The following DCC variants were observed in gnomAD, a reference collection of about 807,000 sequenced individuals.
DCC encodes DCC netrin 1 receptor.
A neutral mutation model predicts 172.5 loss-of-function variants in DCC; 58 were observed. That is an observed-to-expected ratio of 0.34 (90% CI 0.27 to 0.42). The LOEUF (loss-of-function observed/expected upper bound fraction) is 0.42. Among genes scored for constraint, DCC ranks in the 10% least tolerant of loss-of-function variants. The pLI, the probability that DCC is intolerant of heterozygous loss-of-function variation, is 1.00. For missense variants in DCC, 1,740 were observed against 1,791.0 expected (o/e 0.97, Z 0.51); for synonymous variants, 709 against 644.5 (o/e 1.10, Z -1.52).
intron 1 of DCC, among the ~76,000 whole-genome samples, chr18:52,495,581 G>A (rs1258727455): frequency 6.6e-6 from 1 of 152,002 alleles, no homozygotes; most frequent in East Asian, 1.9e-4. Flanking sequence ...AGTTCATCTT[G>A]GCAGAAACCA....
intron 5 of DCC, among the ~76,000 whole-genome samples, chr18:52,937,669 G>A (rs1049904621): frequency 2.6e-5 from 4 of 152,006 alleles, no homozygotes; most frequent in Admixed American, 1.3e-4. Context: ...AAATTTTTTT[G>A]TAGAGTTGAG....
At chr18:53,359,029 A>G (rs2144926500) in intron 15 of DCC, among the ~76,000 whole-genome samples, 1 of 152,308 alleles carries the variant, frequency 6.6e-6, no homozygotes, top group Non-Finnish European at 1.5e-5. Flanking sequence ...ATAAAGTAAG[A>G]TTCATCCTCA....
intron 5 of DCC, among the ~76,000 whole-genome samples, chr18:52,980,610 C>T (rs1457523866): frequency 3.3e-5 from 5 of 151,038 alleles, no homozygotes; most frequent in African/African-American, 9.7e-5. Context: ...TAAAATAATG[C>T]AATTTTTAAA....
At chr18:53,504,016 T>C (rs977310454) in intron 27 of DCC, among the ~76,000 whole-genome samples, 16 of 152,206 alleles carry the variant, frequency 1.1e-4, no homozygotes, top group Admixed American at 9.2e-4. Flanking sequence ...AATTGTGGCA[T>C]GTGCTTTAAT....
intron 5 of DCC, among the ~76,000 whole-genome samples, chr18:52,983,613 T>A (rs562257987): frequency 1.3e-5 from 2 of 152,296 alleles, no homozygotes; most frequent in South Asian, 4.1e-4. Flanking sequence ...TTTATCTGAA[T>A]GTTTGTAACT....
At chr18:52,622,812 T>G (rs2034504727) in intron 1 of DCC, among the ~76,000 whole-genome samples, 1 of 152,222 alleles carries the variant, frequency 6.6e-6, no homozygotes. Flanking sequence ...TTCTAATTTC[T>G]TCCTTCACTG....
intron 27 of DCC, among the ~76,000 whole-genome samples, chr18:53,501,461 T>TAAATCATTAGAAGAAA (rs2046096402): frequency 1.3e-5 from 2 of 152,194 alleles, no homozygotes; most frequent in Admixed American, 1.3e-4. Flanking sequence ...ATCATTAAAT[T>TAAATCATTAGAAGAAA]AAATCATTAG....
rs1271315679 is a variant in DCC, at chr18:52,367,167, CG to C, written c.91+26293del. On this transcript the variant is annotated intron_variant, in intron 1 of 28. Coordinates refer to ENST00000442544, the MANE Select transcript of DCC (RefSeq NM_005215.4). Reference sequence around the variant, plus strand: ...CCCGTGTGCTAAGCCCCTCATTGCCCGGGGCCAGCAGGGCTGGCCGACTGCT... The same window carrying C: ...CCCGTGTGCTAAGCCCCTCATTGCCCGGGCCAGCAGGGCTGGCCGACTGCT... Among the ~76,000 whole-genome samples the C allele has an allele frequency of 6.6e-5, 10 of 152,200 alleles. 1 individual carries two copies. The highest frequency in any genetic ancestry group is 1.2e-4 in the Non-Finnish European group (8 of 68,032).
intron 2 of DCC, among the ~76,000 whole-genome samples, chr18:52,792,769 T>TTCC (rs368199512): frequency 7.4e-6 from 1 of 134,476 alleles, no homozygotes; most frequent in African/African-American, 3.2e-5. Flanking sequence ...TATTCCATTC[T>TTCC]ATTCCATTCC....
In DCC at chr18:53,352,266, T is replaced by A. The variant is rs377283135; in HGVS notation, c.2359+12359T>A. ...GTGCCAGAGTTTAATCATAGAGGTATTTATTATTTGTTCTGTGAGCTGGAT... is the reference window on the plus strand; with the variant it reads ...GTGCCAGAGTTTAATCATAGAGGTAATTATTATTTGTTCTGTGAGCTGGAT... On this transcript the variant is annotated intron_variant, in intron 15 of 28. Transcript: ENST00000442544. Among the ~76,000 whole-genome samples the A allele has an allele frequency of 9.3e-4, 141 of 152,250 alleles. 1 individual carries two copies. The highest frequency in any genetic ancestry group is 3.0e-3 in the African/African-American group (126 of 41,574).
At chr18:52,957,366 A>C (rs1300036023) in intron 5 of DCC, among the ~76,000 whole-genome samples, 1 of 151,322 alleles carries the variant, frequency 6.6e-6, no homozygotes, top group African/African-American at 2.5e-5. Context: ...AACTGAAAGT[A>C]GAGCAATCGA....
rs75910654 is a variant in DCC at position 53,286,610 on chromosome 18, G to A, written c.1912-18968G>A. Among the ~76,000 whole-genome samples, 268 of 152,246 alleles carry A rather than the reference G, an allele frequency of 1.8e-3. 1 individual carries two copies. Among genetic ancestry groups the A allele is most frequent in the African/African-American group, 6.0e-3 (250 of 41,536 alleles). ...GCCTGGCTTTCTAGATGTCCTCAGA[G>A]GCAGCACTTGATGCAATGGAGTAGG... On this transcript the variant is annotated intron_variant, in intron 12 of 28. Coordinates refer to ENST00000442544, the MANE Select transcript of DCC (RefSeq NM_005215.4).
chr18:52,865,508 C>G (rs1336428318), intron 2 of DCC, among the ~76,000 whole-genome samples: 1 of 152,160 alleles, frequency 6.6e-6, no homozygotes, highest in Middle Eastern at 3.4e-3. Flanking sequence ...TCAGTTGTTT[C>G]CTGACTTTTT....
intron 2 of DCC, among the ~76,000 whole-genome samples, chr18:52,767,751 C>T (rs1046559127): frequency 1.7e-4 from 26 of 152,018 alleles, no homozygotes; most frequent in Admixed American, 1.4e-3. Context: ...TTTTAAAAGC[C>T]GTTTTTCTAG....
intron 2 of DCC, among the ~76,000 whole-genome samples, chr18:52,767,752 G>GT: frequency 6.6e-6 from 1 of 152,178 alleles, no homozygotes; most frequent in Non-Finnish European, 1.5e-5. Flanking sequence ...TTTAAAAGCC[G>GT]TTTTTCTAGG....
At chr18:52,952,582 G>C (rs2032017825) in intron 5 of DCC, among the ~76,000 whole-genome samples, 1 of 152,176 alleles carries the variant, frequency 6.6e-6, no homozygotes, top group Admixed American at 6.5e-5. Flanking sequence ...TTTCTACTCA[G>C]CTCAAGTACC....
At chr18:53,287,160 G>A (rs139482189) in intron 12 of DCC, among the ~76,000 whole-genome samples, 2 of 152,166 alleles carry the variant, frequency 1.3e-5, no homozygotes, top group East Asian at 3.9e-4. Context: ...CAACCCATCA[G>A]AGGCAATCTC....
intron 15 of DCC, among the ~76,000 whole-genome samples, chr18:53,384,424 C>T (rs1192647939): frequency 2.6e-5 from 4 of 151,532 alleles, no homozygotes. Flanking sequence ...TTTTATTTTC[C>T]TTTGGATTTT....
chr18:52,346,573 A>C (rs1983887640), intron 1 of DCC, among the ~76,000 whole-genome samples: 1 of 152,198 alleles, frequency 6.6e-6, no homozygotes, highest in African/African-American at 2.4e-5. Flanking sequence ...AGAAATACAT[A>C]ATAATGCATA....
Sources: gnomAD v4.1 joint callset for allele counts (sites outside exome capture counted in the v4.1 genomes callset) on GRCh38, gnomAD v4.1.1 for gene constraint, MANE v1.5 for transcripts, NCBI Gene and HGNC (gene_info 2026-07-23, HGNC 2026-07-21) for gene names.